DLGAP1: variants seen among roughly 807,000 people sequenced by gnomAD.
DLGAP1 encodes disks large-associated protein 1.
Under a neutral mutation model 90.8 loss-of-function variants are expected in DLGAP1, and 11 were observed. That is an observed-to-expected ratio of 0.12 (90% confidence interval 0.08 to 0.20). DLGAP1 has a LOEUF of 0.20. Ranked by LOEUF, DLGAP1 falls within the 10% of genes least tolerant of loss-of-function variation. The pLI, the probability that DLGAP1 is intolerant of heterozygous loss-of-function variation, is 1.00. For missense variants in DLGAP1, 1,050 were observed against 1,333.8 expected (o/e 0.79, Z 3.31); for synonymous variants, 558 against 540.7 (o/e 1.03, Z -0.44).
intron 1 of DLGAP1, among the ~76,000 whole-genome samples, chr18:4,227,463 T>C (rs2078215156): frequency 6.6e-6 from 1 of 151,900 alleles, no homozygotes; most frequent in Non-Finnish European, 1.5e-5. Flanking sequence ...AGAAAACTAG[T>C]CTTAAGACAT....
intron 7 of DLGAP1, among the ~76,000 whole-genome samples, chr18:3,600,877 T>TATAGATATATAG (rs2056929857): frequency 8.9e-5 from 2 of 22,416 alleles, no homozygotes; most frequent in African/African-American, 2.1e-4. Flanking sequence ...TATATAGATA[T>TATAGATATATAG]ATAGATAGAT....
intron 1 of DLGAP1, among the ~76,000 whole-genome samples, chr18:4,197,948 G>A (rs778464859): frequency 3.9e-5 from 6 of 152,140 alleles, no homozygotes; most frequent in Non-Finnish European, 7.4e-5. Context: ...GTGGCCAGGC[G>A]CGGTGGCTCA....
intron 1 of DLGAP1, among the ~76,000 whole-genome samples, chr18:4,375,683 AAAC>A (rs2082000189): frequency 6.6e-6 from 1 of 152,184 alleles, no homozygotes; most frequent in African/African-American, 2.4e-5. Flanking sequence ...TGTGAGTTTT[AAAC>A]ATCATACTAG....
At chr18:4,176,862 T>C (rs189121785) in intron 1 of DLGAP1, among the ~76,000 whole-genome samples, 2 of 152,310 alleles carry the variant, frequency 1.3e-5, no homozygotes, top group East Asian at 3.9e-4. Context: ...ATGATGGTGA[T>C]AAAAGATGCA....
At chr18:3,791,870 C>T (rs904746478) in intron 5 of DLGAP1, among the ~76,000 whole-genome samples, 2 of 151,918 alleles carry the variant, frequency 1.3e-5, no homozygotes, top group African/African-American at 4.8e-5. Context: ...TATGATTGTG[C>T]CACTGCACTC....
At chr18:4,108,554 T>C (rs1185213889) in intron 2 of DLGAP1, among the ~76,000 whole-genome samples, 1 of 144,888 alleles carries the variant, frequency 6.9e-6, no homozygotes, top group Non-Finnish European at 1.5e-5. Context: ...AAAAAACCAG[T>C]AACATCTTGT....
rs1342650962 is a variant in DLGAP1 at position 4,105,947 on chromosome 18, G to A, written c.-159+45233C>T. Among the ~76,000 whole-genome samples the A allele has an allele frequency of 1.1e-4, 16 of 150,668 alleles. No homozygotes were observed. The East Asian group carries it at 2.8e-3, about 26-fold the overall frequency. The stretch of plus-strand genomic sequence containing the variant: ...CTCGGGAGGCCGAGGCAGGAGAATG[G>A]CGTGAACCCGGGAGGCGGAGCTTGC... On this transcript the variant is annotated intron_variant, in intron 2 of 12. Coordinates refer to ENST00000315677, the MANE Select transcript of DLGAP1 (RefSeq NM_004746.4).
intron 2 of DLGAP1, among the ~76,000 whole-genome samples, chr18:4,122,072 T>C (rs1246158874): frequency 6.6e-6 from 1 of 152,136 alleles, no homozygotes. Context: ...AATGCAATCA[T>C]GTGGAAGTGA....
At chr18:3,881,600 G>A (rs751333019) in intron 3 of DLGAP1, among the ~76,000 whole-genome samples, 135 of 152,166 alleles carry the variant, frequency 8.9e-4, no homozygotes, top group Non-Finnish European at 1.5e-4. Flanking sequence ...CTCCATAAGT[G>A]TGAATGAAAA....
intron 3 of DLGAP1, among the ~76,000 whole-genome samples, chr18:3,953,907 C>T (rs1047629915): frequency 6.6e-6 from 1 of 152,146 alleles, no homozygotes; most frequent in South Asian, 2.1e-4. Context: ...AAAAAATGGC[C>T]GGAGAGATTC....
intron 7 of DLGAP1, among the ~76,000 whole-genome samples, chr18:3,622,724 A>G (rs987809527): frequency 6.6e-6 from 1 of 152,142 alleles, no homozygotes; most frequent in African/African-American, 2.4e-5. Context: ...AAAGATAATC[A>G]CTTTTGAAAA....
At chr18:3,984,909 G>A (rs2073811962) in intron 3 of DLGAP1, among the ~76,000 whole-genome samples, 2 of 152,084 alleles carry the variant, frequency 1.3e-5, no homozygotes, top group Non-Finnish European at 2.9e-5. Context: ...TCCCCTGCCT[G>A]TGTCCTCCAT....
intron 9 of DLGAP1, among the ~76,000 whole-genome samples, chr18:3,563,467 T>G (rs143946341): frequency 3.1e-5 from 1 of 32,726 alleles, no homozygotes; most frequent in African/African-American, 8.6e-5. Flanking sequence ...CTTTTTTTTG[T>G]TTTTTTGGTT....
intron 1 of DLGAP1, among the ~76,000 whole-genome samples, chr18:4,414,306 C>T (rs75811422): frequency 0.033 from 5,090 of 152,176 alleles, 276 homozygotes; most frequent in African/African-American, 0.11. Context: ...TTTTGTTTTA[C>T]ACATAACAAT....
intron 1 of DLGAP1, among the ~76,000 whole-genome samples, chr18:4,362,159 TA>T: frequency 6.6e-6 from 1 of 152,166 alleles, no homozygotes; most frequent in Admixed American, 6.5e-5. Flanking sequence ...ACAGCCACTA[TA>T]AAAAGTAGTA....
At chr18:4,258,010 T>TGTGTGTGTGC (rs529531621) in intron 1 of DLGAP1, among the ~76,000 whole-genome samples, 156 of 137,098 alleles carry the variant, frequency 1.1e-3, no homozygotes, top group South Asian at 1.8e-3. Context: ...TGTGTGTGTG[T>TGTGTGTGTGC]GCGCGCGCGC....
intron 1 of DLGAP1, among the ~76,000 whole-genome samples, chr18:4,373,289 G>A (rs2081953496): frequency 6.6e-6 from 1 of 152,072 alleles, no homozygotes; most frequent in Non-Finnish European, 1.5e-5. Context: ...AAGACAAGCA[G>A]GAGGAATGGA....
intron 1 of DLGAP1, among the ~76,000 whole-genome samples, chr18:4,232,252 T>G (rs568599526): frequency 3.3e-4 from 51 of 152,292 alleles, no homozygotes; most frequent in Non-Finnish European, 6.2e-4. Context: ...ATGTGATCTC[T>G]TATTCTATTG....
At chr18:4,351,377 A>C (rs1184444010) in intron 1 of DLGAP1, among the ~76,000 whole-genome samples, 3 of 152,184 alleles carry the variant, frequency 2.0e-5, no homozygotes, top group Non-Finnish European at 4.4e-5. Context: ...ATTTATAAAA[A>C]TAGCTATACT....
Sources: allele counts gnomAD v4.1 joint callset (sites outside exome capture counted in the v4.1 genomes callset), GRCh38; gene constraint gnomAD v4.1.1; transcripts MANE v1.5; gene names NCBI Gene and HGNC (gene_info 2026-07-23, HGNC 2026-07-21).